The following STAMBP variants were observed in gnomAD, a reference collection of about 807,000 sequenced individuals.
STAMBP encodes the protein STAM-binding protein.
A neutral mutation model predicts 50.7 loss-of-function variants in STAMBP; 31 were observed. The observed-to-expected ratio is 0.61, with a 90% confidence interval of 0.46 to 0.83. The LOEUF (loss-of-function observed/expected upper bound fraction) is 0.83, where lower values mean the gene tolerates loss of function less well. STAMBP is among the 40% of genes least tolerant of loss of function. The pLI is 0.00. For synonymous variants in STAMBP, 211 were observed against 192.4 expected (o/e 1.10, Z -0.80); for missense variants, 472 against 518.9 (o/e 0.91, Z 0.88).
intron 9 of STAMBP, chr2:73,860,623 A>G: frequency 1.1e-6 from 1 of 919,534 alleles, no homozygotes; most frequent in Non-Finnish European, 1.3e-6. Flanking sequence ...TTTTGCTTAA[A>G]TCATAGGGGC....
intron 2 of STAMBP, among the ~76,000 whole-genome samples, chr2:73,834,637 G>A (rs1284444385): frequency 6.6e-6 from 1 of 151,974 alleles, no homozygotes; most frequent in East Asian, 1.9e-4. Context: ...AACCCATGTT[G>A]TCCAAAAGTC....
At chr2:73,836,597 A>C (rs1674740877) in intron 2 of STAMBP, among the ~76,000 whole-genome samples, 1 of 152,234 alleles carries the variant, frequency 6.6e-6, no homozygotes, top group Admixed American at 6.5e-5. Flanking sequence ...TAAAGCCTGC[A>C]GATGACTGGT....
At position 73,864,657 on chromosome 2, in the gene STAMBP, A is replaced by C. The variant is rs1678703195; in HGVS notation, c.*2398A>C. The C allele has an allele frequency of 6.6e-6, 1 of 152,320 alleles. No individual in the cohort carries two copies. The highest frequency in any genetic ancestry group is 1.9e-4 in the East Asian group (1 of 5,200). The allele number at this position is 152,320 out of a possible 1,614,324, so 9.4% of individuals were successfully genotyped here. A position where few individuals can be genotyped will look rare whatever the true frequency, so the allele number is the denominator to read the frequency against. On this transcript the variant is annotated 3_prime_UTR_variant, in exon 10 of 10. Coordinates refer to ENST00000394070, the MANE Select transcript of STAMBP (RefSeq NM_213622.4). ...GAAAGGGTAATGACTATTTGGCTAAAGGGACTGACTCCTGGGTTCCCGAGG... is the reference window on the plus strand; with the variant it reads ...GAAAGGGTAATGACTATTTGGCTAACGGGACTGACTCCTGGGTTCCCGAGG...
chr2:73,830,327 A>C (rs1056333084), intron 1 of STAMBP, among the ~76,000 whole-genome samples: 1 of 152,254 alleles, frequency 6.6e-6, no homozygotes. Flanking sequence ...TTGTGCTCAA[A>C]TATGAAAAAG....
chr2:73,860,259 C>G, intron 9 of STAMBP, 108 bp downstream of exon 9: 1 of 890,100 alleles, frequency 1.1e-6, no homozygotes. Context: ...CCAGCTTTGT[C>G]ACTTACCTTG....
chr2:73,831,199 C>T, intron 2 of STAMBP, 140 bp downstream of exon 2: 1 of 671,738 alleles, frequency 1.5e-6, no homozygotes, highest in South Asian at 1.8e-5. Flanking sequence ...ATTGGCTGTC[C>T]TTGCCGTTCA....
intron 7 of STAMBP, among the ~76,000 whole-genome samples, chr2:73,856,840 C>T (rs1677608391): frequency 6.6e-6 from 1 of 152,168 alleles, no homozygotes; most frequent in Non-Finnish European, 1.5e-5. Context: ...GATCTTTGTG[C>T]AGCAGGTATG....
chr2:73,839,528 C>T (rs935877421), intron 2 of STAMBP, among the ~76,000 whole-genome samples: 14 of 152,186 alleles, frequency 9.2e-5, no homozygotes, highest in African/African-American at 3.4e-4. Flanking sequence ...TGTGATCATG[C>T]TTACCATGCT....
At chr2:73,853,603 T>C (rs1677148988) in intron 7 of STAMBP, among the ~76,000 whole-genome samples, 1 of 152,108 alleles carries the variant, frequency 6.6e-6, no homozygotes, top group African/African-American at 2.4e-5. Context: ...ATGCCTGTAG[T>C]CCCAGCTACT....
chr2:73,831,273 C>A (rs1013849923), intron 2 of STAMBP, among the ~76,000 whole-genome samples: 9 of 152,214 alleles, frequency 5.9e-5, no homozygotes, highest in Non-Finnish European at 8.8e-5. Context: ...AGATTTAGTT[C>A]TTTGGCCTAT....
downstream of STAMBP, among the ~76,000 whole-genome samples, chr2:73,867,788 TAATAA>T (rs1679016905): frequency 6.6e-6 from 1 of 152,042 alleles, no homozygotes; most frequent in African/African-American, 2.4e-5. Flanking sequence ...AGAAAAAGAA[TAATAA>T]AATATACTAG....
chr2:73,873,202 G>A (rs1426334397), intron 10 of STAMBP: 1 of 152,212 alleles, frequency 6.6e-6, no homozygotes, highest in Non-Finnish European at 1.5e-5. Context: ...GTTGTTTTCT[G>A]CACTGACATT....
intron 1 of STAMBP, 116 bp downstream of exon 1, chr2:73,829,626 G>T (rs1220549748): frequency 6.6e-6 from 1 of 152,190 alleles, no homozygotes; most frequent in Non-Finnish European, 1.5e-5. Context: ...AGTCCCTAAG[G>T]AGGCCTCGTG....
rs777038194 is a variant in STAMBP at position 73,830,870 on chromosome 2, G to A, written c.14G>A (p.Gly5Glu). The A allele has an allele frequency of 4.3e-6, 7 of 1,612,996 alleles. No individual in the cohort carries two copies. In the Admixed American group the frequency reaches 8.3e-5, roughly 19 times the overall value. The change falls in exon 2 of 10, where the codon GGA (glycine) becomes GAA (glutamate). Residue 5 changes from glycine to glutamate, a missense_variant. Transcript: ENST00000394070. The part of the protein sequence containing the change: MSDH[G>E]DVSLPPEDRV... ...AACTTGGTCCTGATGTCTGACCATGGAGATGTGAGCCTCCCGCCCGAAGAC... is the reference window on the plus strand; with the variant it reads ...AACTTGGTCCTGATGTCTGACCATGAAGATGTGAGCCTCCCGCCCGAAGAC...
chr2:73,850,483 G>A lies in STAMBP; in HGVS notation c.975G>A (p.Gln325=). The stretch of plus-strand genomic sequence containing the variant: ...AAGAACTTTTCCTCATACAGGATCA[G>A]CAGGGCCTCATCACACTGGGCTGGA... ...NEEELFLIQD[Q]QGLITLGWIH... is the part of the protein sequence containing the mutation. The change falls in exon 7 of 10, where the codon CAG becomes CAA. Residue 325 remains glutamine (Q), a synonymous_variant. Transcript: ENST00000394070. The surrounding 1 kb of genome is among the most constrained non-coding windows in gnomAD (Gnocchi z 4.3). 6.2e-7 allele frequency: 1 copy of A among 1,613,616 alleles called. No homozygotes were observed. Among genetic ancestry groups the A allele is most frequent in the Non-Finnish European group, 8.5e-7 (1 of 1,179,838 alleles).
At chr2:73,834,695 A>C (rs553069848) in intron 2 of STAMBP, among the ~76,000 whole-genome samples, 1 of 152,140 alleles carries the variant, frequency 6.6e-6, no homozygotes, top group Non-Finnish European at 1.5e-5. Flanking sequence ...GTGATAGAGA[A>C]TAAGCAGGGG....
chr2:73,856,312 C>T (rs544173475), intron 7 of STAMBP, among the ~76,000 whole-genome samples: 1 of 152,328 alleles, frequency 6.6e-6, no homozygotes, highest in South Asian at 2.1e-4. Flanking sequence ...TCATGTTTGA[C>T]CTTTTAACAC....
At chr2:73,861,455 C>T (rs1678308806) in intron 9 of STAMBP, among the ~76,000 whole-genome samples, 2 of 152,066 alleles carry the variant, frequency 1.3e-5, no homozygotes, top group Non-Finnish European at 2.9e-5. Context: ...AGCAGTCTGG[C>T]TTCCAGACTG....
intron 1 of STAMBP, among the ~76,000 whole-genome samples, chr2:73,830,010 T>G (rs1673703825): frequency 6.6e-6 from 1 of 152,246 alleles, no homozygotes; most frequent in South Asian, 2.1e-4. Flanking sequence ...TGCCCAGTTT[T>G]ATTTTGGAGA....
Sources: allele counts gnomAD v4.1 joint callset (sites outside exome capture counted in the v4.1 genomes callset), GRCh38; gene constraint gnomAD v4.1.1; non-coding constraint Gnocchi (gnomAD v3.1); transcripts MANE v1.5; gene names NCBI Gene and HGNC (gene_info 2026-07-23, HGNC 2026-07-21).